The following DZIP3 variants were observed in gnomAD, a reference collection of about 807,000 sequenced individuals.
DZIP3 encodes the protein E3 ubiquitin-protein ligase DZIP3.
In DZIP3, 118 loss-of-function variants were observed where a neutral mutation model predicts 162.0. The ratio of observed to expected loss-of-function variants is 0.73; its 90% CI spans 0.63 to 0.85. The LOEUF is 0.85. DZIP3 is among the 40% of genes least tolerant of loss of function. The pLI is 0.00. For missense variants in DZIP3, 1,331 were observed against 1,407.0 expected (o/e 0.95, Z 0.86); for synonymous variants, 438 against 458.6 (o/e 0.96, Z 0.57).
At chr3:108,615,070 C>T (rs1438053431) in intron 4 of DZIP3, among the ~76,000 whole-genome samples, 1 of 152,152 alleles carries the variant, frequency 6.6e-6, no homozygotes, top group East Asian at 1.9e-4. Flanking sequence ...CTCCAATTTT[C>T]CCCCAAGCCT....
At chr3:108,594,965 T>C (rs1339076472) in intron 1 of DZIP3, among the ~76,000 whole-genome samples, 1 of 152,182 alleles carries the variant, frequency 6.6e-6, no homozygotes, top group African/African-American at 2.4e-5. Context: ...TGTATAATAG[T>C]TTTAACCAGT....
intron 9 of DZIP3, among the ~76,000 whole-genome samples, chr3:108,634,094 G>A (rs1236574760): frequency 6.6e-6 from 1 of 152,016 alleles, no homozygotes; most frequent in Non-Finnish European, 1.5e-5. Context: ...TTAATTGCGA[G>A]GCATGATGTG....
At chr3:108,635,658 A>G (rs180768595) in intron 10 of DZIP3, among the ~76,000 whole-genome samples, 1 of 147,368 alleles carries the variant, frequency 6.8e-6, no homozygotes, top group African/African-American at 2.5e-5. Context: ...TTATAATATT[A>G]TAAATATTAT....
chr3:108,626,391 T>A (rs1460914425), intron 7 of DZIP3, among the ~76,000 whole-genome samples: 1 of 152,184 alleles, frequency 6.6e-6, no homozygotes, highest in African/African-American at 2.4e-5. Flanking sequence ...ACTTAATAAA[T>A]AAATTATGGT....
At position 108,594,735 on chromosome 3, in the gene DZIP3, C is replaced by T. The variant is rs1576334655; in HGVS notation, c.-73+4896C>T. Among the ~76,000 whole-genome samples, 3 of 152,054 alleles carry T rather than the reference C, an allele frequency of 2.0e-5. No homozygotes were observed. In the South Asian group the frequency reaches 6.2e-4, roughly 32 times the overall value. On this transcript the variant is annotated intron_variant, in intron 1 of 32. Transcript: ENST00000361582. ...TTAATTTGCTAAGGATAATGGCCTTCAGATCCACGCATGTTCCTGAAAAGG... is the reference window on the plus strand; with the variant it reads ...TTAATTTGCTAAGGATAATGGCCTTTAGATCCACGCATGTTCCTGAAAAGG...
chr3:108,604,021 T>C (rs922664164), intron 1 of DZIP3, among the ~76,000 whole-genome samples: 2 of 152,142 alleles, frequency 1.3e-5, no homozygotes, highest in African/African-American at 2.4e-5. Context: ...TAAAACAATG[T>C]TTCTTTGAGT....
At chr3:108,670,380 T>G (rs1422505119) in intron 22 of DZIP3, among the ~76,000 whole-genome samples, 1 of 151,940 alleles carries the variant, frequency 6.6e-6, no homozygotes, top group Non-Finnish European at 1.5e-5. Flanking sequence ...TCATATAAAT[T>G]GGATCATATA....
chr3:108,654,142 C>T lies in DZIP3; in HGVS notation c.2034-3C>T, dbSNP rs185756539. ...GCTCACATTGATTATGTCACGACTA[C>T]AGCCCATATGTGGTAGAAAAGGAAG... is the stretch of plus-strand genomic sequence containing the variant. On this transcript the variant is annotated splice_polypyrimidine_tract_variant and splice_region_variant and intron_variant, in intron 18 of 32. Coordinates refer to ENST00000361582, the MANE Select transcript of DZIP3 (RefSeq NM_014648.4). 1.9e-6 allele frequency: 3 copies of T among 1,612,430 alleles called. No individual in the cohort carries two copies. The highest frequency in any genetic ancestry group is 2.2e-5 in the East Asian group (1 of 44,812).
intron 1 of DZIP3, among the ~76,000 whole-genome samples, chr3:108,590,777 A>C (rs1281579127): frequency 1.3e-5 from 2 of 152,250 alleles, no homozygotes; most frequent in Admixed American, 1.3e-4. Context: ...GACTCTAGGC[A>C]AGTTCTCACT....
rs897310869 is a variant in DZIP3 at position 108,626,092 on chromosome 3, C to T, written c.581+123C>T. On this transcript the variant is annotated intron_variant, in intron 7 of 32. Transcript: ENST00000361582. ...TGCTCTACTGTTTTATCCTTTTCTT[C>T]TTTGCCTATTTGTATAGATAATTTC... 1.9e-5 allele frequency: 22 copies of T among 1,132,822 alleles called. No individual in the cohort carries two copies. In the East Asian group the frequency reaches 5.3e-4, roughly 27 times the overall value. The allele number at this position is 1,132,822 out of a possible 1,614,324, so 70.2% of individuals were successfully genotyped here.
At chr3:108,621,317 G>A (rs925678184) in intron 5 of DZIP3, among the ~76,000 whole-genome samples, 2 of 151,928 alleles carry the variant, frequency 1.3e-5, no homozygotes, top group African/African-American at 2.4e-5. Flanking sequence ...ATTTTTGTGG[G>A]TATATAGGTG....
intron 3 of DZIP3, among the ~76,000 whole-genome samples, chr3:108,609,341 C>CT (rs1192469124): frequency 1.3e-5 from 2 of 152,044 alleles, no homozygotes; most frequent in African/African-American, 4.8e-5. Context: ...AGGAAGTATG[C>CT]TATATGCACA....
intron 6 of DZIP3, among the ~76,000 whole-genome samples, chr3:108,625,233 C>G (rs761333937): frequency 6.6e-6 from 1 of 151,952 alleles, no homozygotes; most frequent in Non-Finnish European, 1.5e-5. Flanking sequence ...ATATTTACTT[C>G]CAGACCTATG....
At chr3:108,681,172 CA>C (rs1944291792) in intron 26 of DZIP3, among the ~76,000 whole-genome samples, 1 of 152,032 alleles carries the variant, frequency 6.6e-6, no homozygotes, top group African/African-American at 2.4e-5. Flanking sequence ...AAAATTTTTG[CA>C]ATCTTATCCG....
intron 19 of DZIP3, among the ~76,000 whole-genome samples, chr3:108,655,031 A>C (rs1003364652): frequency 6.6e-6 from 1 of 152,128 alleles, no homozygotes; most frequent in Non-Finnish European, 1.5e-5. Flanking sequence ...TTTTTCTCCT[A>C]ATTAGAATAT....
intron 13 of DZIP3, among the ~76,000 whole-genome samples, chr3:108,643,317 C>T (rs1253035862): frequency 6.6e-6 from 1 of 152,104 alleles, no homozygotes; most frequent in Non-Finnish European, 1.5e-5. Flanking sequence ...CCAAATAGTT[C>T]AGTTTCATGC....
chr3:108,611,092 T>G, intron 3 of DZIP3, 82 bp from the exon 4 acceptor site: 1 of 1,362,148 alleles, frequency 7.3e-7, no homozygotes, highest in East Asian at 2.5e-5. Context: ...TGTTCCTTTT[T>G]TAATGCTTTG....
rs371494734 is a variant in DZIP3 at position 108,629,161 on chromosome 3, A to G, written c.681A>G (p.Leu227=). 3 of 1,575,332 alleles carry G rather than the reference A, an allele frequency of 1.9e-6. No homozygotes were observed. In the African/African-American group the frequency reaches 4.1e-5, roughly 22 times the overall value. Reference sequence around the variant, plus strand: ...TAGATCCTACAGAAGATGAAGATTTACCTACAACTTTTAAAGTAAGAAATT... The same window carrying G: ...TAGATCCTACAGAAGATGAAGATTTGCCTACAACTTTTAAAGTAAGAAATT... ...FDIDPTEDED[L]PTTFKDLLNN... Residue 227 remains leucine, a synonymous_variant, in exon 8 of 33, where the codon TTA becomes TTG. Transcript: ENST00000361582.
At chr3:108,654,366 G>A (rs764190277) in intron 19 of DZIP3, 56 bp downstream of exon 19, 3 of 1,591,580 alleles carry the variant, frequency 1.9e-6, no homozygotes, top group Non-Finnish European at 2.6e-6. Context: ...GGTTTTTCCT[G>A]TGACTCTTTA....
Sources: allele counts gnomAD v4.1 joint callset (sites outside exome capture counted in the v4.1 genomes callset), GRCh38; gene constraint gnomAD v4.1.1; transcripts MANE v1.5; gene names NCBI Gene and HGNC (gene_info 2026-07-23, HGNC 2026-07-21).